The following CIMIP6 variants were observed in gnomAD, a reference collection of about 807,000 sequenced individuals.
CIMIP6 encodes ciliary microtubule inner protein 6, also known as uncharacterized protein C2orf73.
At chr2:54,334,159 A>C in the CIMIP6 span, among the ~76,000 whole-genome samples, 1 of 152,100 alleles carries the variant, frequency 6.6e-6, no homozygotes, top group African/African-American at 2.4e-5. Context: ...TATAATTTCA[A>C]TTTCTCCTTA....
At chr2:54,365,198 C>A in the CIMIP6 span, among the ~76,000 whole-genome samples, 22 of 152,144 alleles carry the variant, frequency 1.4e-4, no homozygotes, top group Admixed American at 3.9e-4. Flanking sequence ...GACACACCTA[C>A]CAAACTGAGC....
the CIMIP6 span, among the ~76,000 whole-genome samples, chr2:54,361,868 A>G: frequency 1.3e-5 from 2 of 152,294 alleles, no homozygotes; most frequent in East Asian, 3.9e-4. Context: ...CAGGGATGGA[A>G]ACTTATGTCC....
the CIMIP6 span, among the ~76,000 whole-genome samples, chr2:54,363,243 TTGACTATAGCC>T: frequency 3.9e-5 from 6 of 152,222 alleles, no homozygotes; most frequent in Non-Finnish European, 8.8e-5. Context: ...TCAGTTTCTG[TTGACTATAGCC>T]TGACTTTGGG....
At chr2:54,331,090 A>G in the CIMIP6 span, 1 of 1,341,900 alleles carries the variant, frequency 7.5e-7, no homozygotes, top group South Asian at 1.2e-5. Flanking sequence ...TGGACAGTCC[A>G]GGCCAAGCTC....
At chr2:54,383,579 T>C in the CIMIP6 span, 1 of 152,180 alleles carries the variant, frequency 6.6e-6, no homozygotes, top group Admixed American at 6.5e-5. Flanking sequence ...TTGTTTGCTA[T>C]AGTAGATAGT....
the CIMIP6 span, among the ~76,000 whole-genome samples, chr2:54,376,974 T>A: frequency 6.6e-6 from 1 of 152,220 alleles, no homozygotes; most frequent in Non-Finnish European, 1.5e-5. Context: ...GTGAATGACC[T>A]AGTGTCCTTC....
chr2:54,358,498 C>T, the CIMIP6 span, among the ~76,000 whole-genome samples: 4 of 151,940 alleles, frequency 2.6e-5, no homozygotes, highest in Admixed American at 2.6e-4. Flanking sequence ...AACTTTTGGG[C>T]TCAAGCGATC....
chr2:54,337,576 C>G, the CIMIP6 span, among the ~76,000 whole-genome samples: 1 of 152,000 alleles, frequency 6.6e-6, no homozygotes, highest in Non-Finnish European at 1.5e-5. Context: ...ATTGGCAATA[C>G]TAAGAAAAAG....
At chr2:54,351,821 A>G in the CIMIP6 span, among the ~76,000 whole-genome samples, 4 of 152,182 alleles carry the variant, frequency 2.6e-5, no homozygotes, top group East Asian at 1.9e-4. Flanking sequence ...AAATACTTCA[A>G]ACATCTTTAC....
At chr2:54,379,000 A>G in the CIMIP6 span, among the ~76,000 whole-genome samples, 1 of 152,226 alleles carries the variant, frequency 6.6e-6, no homozygotes, top group Non-Finnish European at 1.5e-5. Context: ...GCAAGCCTCT[A>G]CTTAAGCTTC....
the CIMIP6 span, among the ~76,000 whole-genome samples, chr2:54,351,783 A>G: frequency 1.3e-5 from 2 of 152,342 alleles, no homozygotes; most frequent in Non-Finnish European, 2.9e-5. Flanking sequence ...TTTAAAAAAT[A>G]ATAGTTACTA....
chr2:54,371,598 C>T, the CIMIP6 span, among the ~76,000 whole-genome samples: 1 of 152,248 alleles, frequency 6.6e-6, no homozygotes, highest in Non-Finnish European at 1.5e-5. Flanking sequence ...TGCCTGCAGG[C>T]ATCACACCTG....
chr2:54,360,119 G>T, the CIMIP6 span: 11 of 1,448,538 alleles, frequency 7.6e-6, no homozygotes, highest in Non-Finnish European at 1.0e-5. Context: ...TAGGACTTGA[G>T]CTAACGCACA....
At chr2:54,369,527 G>C in the CIMIP6 span, among the ~76,000 whole-genome samples, 2 of 152,158 alleles carry the variant, frequency 1.3e-5, no homozygotes, top group South Asian at 4.1e-4. Flanking sequence ...AAGTGCTTTA[G>C]AATTTGTAAA....
the CIMIP6 span, among the ~76,000 whole-genome samples, chr2:54,368,027 A>T: frequency 6.6e-6 from 1 of 152,170 alleles, no homozygotes. Context: ...CCAGAGTTCT[A>T]GCTCTTTGTT....
At chr2:54,330,891 C>G in the CIMIP6 span, 2 of 1,382,204 alleles carry the variant, frequency 1.4e-6, no homozygotes, top group Non-Finnish European at 2.0e-6. Flanking sequence ...GTCACAGTCG[C>G]CGCGCTTTGC....
At chr2:54,357,887 A>T in the CIMIP6 span, among the ~76,000 whole-genome samples, 1 of 152,008 alleles carries the variant, frequency 6.6e-6, no homozygotes, top group Non-Finnish European at 1.5e-5. Context: ...GCCCAGCCAC[A>T]TACATATTTT....
chr2:54,374,691 A>G, the CIMIP6 span, among the ~76,000 whole-genome samples: 1 of 152,258 alleles, frequency 6.6e-6, no homozygotes, highest in Non-Finnish European at 1.5e-5. Context: ...GATGTAACAC[A>G]GAGGACTTAA....
chr2:54,344,530 CA>C, the CIMIP6 span, among the ~76,000 whole-genome samples: 1 of 152,262 alleles, frequency 6.6e-6, no homozygotes, highest in South Asian at 2.1e-4. Flanking sequence ...AGCCAGCAGG[CA>C]TAGTGGAAGG....
Sources: gnomAD v4.1 joint callset for allele counts (sites outside exome capture counted in the v4.1 genomes callset) on GRCh38, gnomAD v4.1.1 for gene constraint, MANE v1.5 for transcripts, NCBI Gene and HGNC (gene_info 2026-07-23, HGNC 2026-07-21) for gene names.